PARM1: variants seen among roughly 807,000 people sequenced by gnomAD.
PARM1 encodes the protein WSC4, cell wall integrity and stress response component 4 homolog.
A neutral mutation model predicts 24.6 loss-of-function variants in PARM1; 14 were observed. The observed-to-expected ratio is 0.57, with a 90% CI of 0.38 to 0.89. The LOEUF (loss-of-function observed/expected upper bound fraction) is 0.89, where lower values mean the gene tolerates loss of function less well. PARM1 is among the 40% of genes least tolerant of loss of function. The probability of loss-of-function intolerance (pLI) is 0.00; values close to 1 mark genes in which losing one functional copy is unlikely to be tolerated. For missense variants in PARM1, 362 were observed against 380.4 expected (o/e 0.95, Z 0.40); for synonymous variants, 179 against 156.6 (o/e 1.14, Z -1.07).
intron 1 of PARM1, chr4:74,969,543 T>G (rs771110537): frequency 2.6e-5 from 4 of 152,172 alleles, no homozygotes; most frequent in Non-Finnish European, 4.4e-5. Context: ...AGCCTCACAT[T>G]TCATGAGGAG....
At chr4:74,984,164 A>C (rs1301181255) in intron 1 of PARM1, among the ~76,000 whole-genome samples, 1 of 152,220 alleles carries the variant, frequency 6.6e-6, no homozygotes, top group Non-Finnish European at 1.5e-5. Context: ...ACCATTCTAC[A>C]GTCACCTGGA....
At chr4:75,030,447 T>C (rs923582180) in intron 2 of PARM1, among the ~76,000 whole-genome samples, 4 of 152,158 alleles carry the variant, frequency 2.6e-5, no homozygotes, top group African/African-American at 7.2e-5. Context: ...GGTTATTCTT[T>C]AGCCCATTTA....
chr4:75,046,059 C>T, intron 3 of PARM1, 104 bp from the exon 4 acceptor site: 1 of 713,694 alleles, frequency 1.4e-6, no homozygotes, highest in South Asian at 1.7e-5. Context: ...AACTTTCCCT[C>T]TCCCTGGCCC....
chr4:75,020,009 CA>C (rs1161399344), intron 2 of PARM1, among the ~76,000 whole-genome samples: 189 of 31,002 alleles, frequency 6.1e-3, no homozygotes, highest in South Asian at 6.9e-3. Flanking sequence ...GACTCCGTCT[CA>C]AAAAAAAAAA....
intron 1 of PARM1, among the ~76,000 whole-genome samples, chr4:75,000,113 G>A (rs1440226223): frequency 2.0e-5 from 3 of 152,152 alleles, no homozygotes; most frequent in Non-Finnish European, 2.9e-5. Context: ...GCTCAGAGCT[G>A]ATGCCATGAG....
chr4:74,963,797 AT>A (rs1400037904), intron 1 of PARM1, among the ~76,000 whole-genome samples: 1 of 152,184 alleles, frequency 6.6e-6, no homozygotes, highest in Non-Finnish European at 1.5e-5. Flanking sequence ...AATGGTTAAA[AT>A]GGCAAATTTT....
chr4:75,034,872 C>T (rs924943668), intron 3 of PARM1: 23 of 152,454 alleles, frequency 1.5e-4, no homozygotes, highest in African/African-American at 5.5e-4. Context: ...CAGTGGCTCC[C>T]CTTGCACTGA....
chr4:74,997,622 G>A (rs1196414376), intron 1 of PARM1: 4 of 152,194 alleles, frequency 2.6e-5, no homozygotes, highest in Non-Finnish European at 4.4e-5. Flanking sequence ...TAGACTTACT[G>A]ACTTTGAATG....
intron 2 of PARM1, among the ~76,000 whole-genome samples, chr4:75,031,963 C>G (rs886502805): frequency 5.3e-5 from 8 of 152,190 alleles, no homozygotes; most frequent in African/African-American, 1.4e-4. Flanking sequence ...TAGAGGCCAA[C>G]AAGCCAAGAG....
At chr4:74,956,968 C>T (rs1560775018) in intron 1 of PARM1, 1 of 152,258 alleles carries the variant, frequency 6.6e-6, no homozygotes, top group East Asian at 1.9e-4. Flanking sequence ...CTGATTGTAT[C>T]ACCACAGTGG....
intron 1 of PARM1, among the ~76,000 whole-genome samples, chr4:74,977,730 A>G (rs1722166971): frequency 6.6e-6 from 1 of 152,194 alleles, no homozygotes; most frequent in Non-Finnish European, 1.5e-5. Flanking sequence ...AGGCCAGGTC[A>G]CCTACAAAGG....
intron 1 of PARM1, among the ~76,000 whole-genome samples, chr4:74,944,652 T>C (rs1334459756): frequency 6.6e-6 from 1 of 152,160 alleles, no homozygotes; most frequent in Non-Finnish European, 1.5e-5. Context: ...TAGGCAGGCT[T>C]TCAATGCCTC....
chr4:75,041,033 G>A (rs189536133), intron 3 of PARM1, among the ~76,000 whole-genome samples: 1 of 152,020 alleles, frequency 6.6e-6, no homozygotes, highest in Non-Finnish European at 1.5e-5. Context: ...TTTCTCCATG[G>A]ACTTAGTAAC....
At chr4:74,954,957 A>T (rs1204012081) in intron 1 of PARM1, among the ~76,000 whole-genome samples, 1 of 152,178 alleles carries the variant, frequency 6.6e-6, no homozygotes, top group Non-Finnish European at 1.5e-5. Context: ...TAATTCACCT[A>T]AGAATTTAGG....
chr4:74,944,892 T>C (rs975509083), intron 1 of PARM1, among the ~76,000 whole-genome samples: 8 of 152,192 alleles, frequency 5.3e-5, no homozygotes, highest in Admixed American at 5.2e-4. Context: ...TAAGAATGTA[T>C]CTGTCACCTA....
chr4:75,000,036 T>G (rs1012985491), intron 1 of PARM1, among the ~76,000 whole-genome samples: 1 of 152,186 alleles, frequency 6.6e-6, no homozygotes, highest in Admixed American at 6.5e-5. Context: ...AGAGTACCTC[T>G]GGGACACTGA....
chr4:74,934,996 C>CTT (rs11392364), intron 1 of PARM1, among the ~76,000 whole-genome samples: 5,014 of 116,504 alleles, frequency 0.043, 182 homozygotes, highest in Admixed American at 0.089. Context: ...GCTCTTTTTT[C>CTT]TTTTTTTTTT....
At chr4:74,985,495 C>G (rs1423732924) in intron 1 of PARM1, among the ~76,000 whole-genome samples, 2 of 152,090 alleles carry the variant, frequency 1.3e-5, no homozygotes, top group African/African-American at 4.8e-5. Context: ...TACTATTATC[C>G]CATTTCACAA....
chr4:75,014,022 T>C (rs1471449966), intron 2 of PARM1, among the ~76,000 whole-genome samples: 1 of 152,044 alleles, frequency 6.6e-6, no homozygotes, highest in African/African-American at 2.4e-5. Flanking sequence ...AGCCAGAAGT[T>C]AGAGGGGGAA....
Sources: allele counts gnomAD v4.1 joint callset (sites outside exome capture counted in the v4.1 genomes callset), GRCh38; gene constraint gnomAD v4.1.1; transcripts MANE v1.5; gene names NCBI Gene and HGNC (gene_info 2026-07-23, HGNC 2026-07-21).